The following NPFFR2 variants were observed in gnomAD, a reference collection of about 807,000 sequenced individuals.
NPFFR2 encodes the protein neuropeptide FF receptor 2.
A neutral mutation model predicts 13.1 loss-of-function variants in NPFFR2; 15 were observed. The ratio of observed to expected loss-of-function variants is 1.15; its 90% CI spans 0.77 to 1.76. The LOEUF is 1.76. NPFFR2 is among the 40% of genes most tolerant of loss of function. The pLI is 0.00. For synonymous variants in NPFFR2, 190 were observed against 175.7 expected, an observed-to-expected ratio of 1.08 and a Z score of -0.65; for missense variants, 572 against 503.5, an observed-to-expected ratio of 1.14 and a Z score of -1.30.
At chr4:72,140,009 CTT>C (rs1232429117) in intron 3 of NPFFR2, among the ~76,000 whole-genome samples, 10 of 152,174 alleles carry the variant, frequency 6.6e-5, no homozygotes, top group African/African-American at 2.2e-4. Flanking sequence ...ATTTTATTCT[CTT>C]TGTAGCAATT....
chr4:72,051,256 T>C (rs12642161), intron 1 of NPFFR2, among the ~76,000 whole-genome samples: 135,186 of 151,652 alleles, frequency 0.89, 61,353 homozygotes, highest in Non-Finnish European at 0.98. Context: ...AAAGCTCTCC[T>C]CAGCAAATGT....
intron 1 of NPFFR2, among the ~76,000 whole-genome samples, chr4:72,032,752 A>T (rs1718958967): frequency 6.6e-6 from 1 of 152,124 alleles, no homozygotes; most frequent in Non-Finnish European, 1.5e-5. Context: ...AGACAATACC[A>T]TTTTAGTTCT....
chr4:72,091,870 C>T (rs1162576457), intron 1 of NPFFR2, among the ~76,000 whole-genome samples: 1 of 151,644 alleles, frequency 6.6e-6, no homozygotes, highest in Non-Finnish European at 1.5e-5. Context: ...TTCTTTTCTT[C>T]TGCTGGGTTT....
intron 1 of NPFFR2, among the ~76,000 whole-genome samples, chr4:72,064,803 A>G (rs1720019363): frequency 6.6e-6 from 1 of 152,210 alleles, no homozygotes; most frequent in African/African-American, 2.4e-5. Flanking sequence ...GAGCCTGCAT[A>G]GGTAGGATAC....
chr4:72,081,615 G>A (rs1204030618), intron 1 of NPFFR2, among the ~76,000 whole-genome samples: 2 of 151,234 alleles, frequency 1.3e-5, no homozygotes, highest in African/African-American at 2.4e-5. Flanking sequence ...AGCCTCCTAA[G>A]TAGCTAGGAC....
intron 1 of NPFFR2, among the ~76,000 whole-genome samples, chr4:72,034,270 T>C (rs961638775): frequency 6.6e-6 from 1 of 152,144 alleles, no homozygotes; most frequent in Admixed American, 6.5e-5. Context: ...GGGTAATTTA[T>C]AAAGGAAAAA....
intron 1 of NPFFR2, among the ~76,000 whole-genome samples, chr4:72,037,407 A>G (rs1446820050): frequency 4.0e-5 from 6 of 150,860 alleles, no homozygotes; most frequent in Admixed American, 6.6e-5. Flanking sequence ...TTGTTTGAAA[A>G]AAAAAAAAAA....
chr4:72,145,491 T>C (rs1394170462), intron 3 of NPFFR2, among the ~76,000 whole-genome samples: 1 of 151,998 alleles, frequency 6.6e-6, no homozygotes, highest in Non-Finnish European at 1.5e-5. Context: ...AACAATAATA[T>C]CCAAAACCCT....
chr4:72,055,930 G>C (rs980631872), intron 1 of NPFFR2, among the ~76,000 whole-genome samples: 2 of 151,972 alleles, frequency 1.3e-5, no homozygotes, highest in African/African-American at 4.8e-5. Flanking sequence ...CAGGAGAAAA[G>C]TGTGAAGCTA....
intron 1 of NPFFR2, among the ~76,000 whole-genome samples, chr4:72,050,910 A>G (rs571343585): frequency 0.01 from 1,578 of 151,728 alleles, 10 homozygotes; most frequent in Non-Finnish European, 0.016. Context: ...ATGATTTCCA[A>G]TTTCATCCAT....
At chr4:72,116,549 G>A (rs183371796) in intron 1 of NPFFR2, among the ~76,000 whole-genome samples, 69 of 151,966 alleles carry the variant, frequency 4.5e-4, no homozygotes, top group African/African-American at 1.4e-3. Flanking sequence ...ATCTGCACAC[G>A]TACCCCTGAA....
intron 3 of NPFFR2, among the ~76,000 whole-genome samples, chr4:72,142,425 C>T (rs995363973): frequency 3.9e-5 from 6 of 152,124 alleles, no homozygotes; most frequent in Non-Finnish European, 2.9e-5. Context: ...GCTCACCCTC[C>T]GTGGGCTGCA....
intron 1 of NPFFR2, among the ~76,000 whole-genome samples, chr4:72,055,001 T>G (rs1719699850): frequency 6.6e-6 from 1 of 151,936 alleles, no homozygotes; most frequent in Non-Finnish European, 1.5e-5. Flanking sequence ...ATACAGATTT[T>G]ATATGTACAT....
At chr4:72,129,433 G>A (rs528275793) in intron 2 of NPFFR2, among the ~76,000 whole-genome samples, 1 of 114,478 alleles carries the variant, frequency 8.7e-6, no homozygotes, top group South Asian at 3.6e-4. Context: ...AGAGGGGGAT[G>A]TGTCAGGGTC....
intron 1 of NPFFR2, among the ~76,000 whole-genome samples, chr4:72,112,760 CAT>C (rs1159678618): frequency 7.9e-5 from 12 of 151,844 alleles, no homozygotes; most frequent in Admixed American, 6.6e-4. Context: ...TCATGTGTCT[CAT>C]GTGTCTCACA....
intron 1 of NPFFR2, among the ~76,000 whole-genome samples, chr4:72,044,266 G>A (rs1719316902): frequency 6.6e-6 from 1 of 152,186 alleles, no homozygotes; most frequent in Non-Finnish European, 1.5e-5. Flanking sequence ...GCATGAGAAT[G>A]AACTAATACA....
chr4:72,060,443 G>A (rs1013980660), intron 1 of NPFFR2, among the ~76,000 whole-genome samples: 5 of 151,990 alleles, frequency 3.3e-5, no homozygotes, highest in Admixed American at 6.6e-5. Context: ...ACTGACCAAT[G>A]CATTTCCCAG....
chr4:72,112,885 A>C (rs1293969351), intron 1 of NPFFR2, among the ~76,000 whole-genome samples: 1 of 151,864 alleles, frequency 6.6e-6, no homozygotes, highest in African/African-American at 2.4e-5. Flanking sequence ...TATATAGATT[A>C]ATTATTATAC....
chr4:72,039,521 T>G (rs1028744822), intron 1 of NPFFR2: 1 of 380,062 alleles, frequency 2.6e-6, no homozygotes, highest in Non-Finnish European at 3.6e-6. Context: ...TTAAAAAATA[T>G]ATGCATCTTG....
Sources: gnomAD v4.1 joint callset for allele counts (sites outside exome capture counted in the v4.1 genomes callset) on GRCh38, gnomAD v4.1.1 for gene constraint, MANE v1.5 for transcripts, NCBI Gene and HGNC (gene_info 2026-07-23, HGNC 2026-07-21) for gene names.